Variants in GPM6B observed in about 807,000 individuals in gnomAD.
GPM6B encodes the protein neuronal membrane glycoprotein M6-b.
A neutral mutation model predicts 27.2 loss-of-function variants in GPM6B; 4 were observed. The ratio of observed to expected loss-of-function variants is 0.15; its 90% CI spans 0.07 to 0.34. The LOEUF is 0.34. GPM6B is among the 10% of genes least tolerant of loss of function. The probability of loss-of-function intolerance (pLI) is 1.00; values close to 1 mark genes in which losing one functional copy is unlikely to be tolerated. For missense variants in GPM6B, 183 were observed against 261.9 expected, an observed-to-expected ratio of 0.70 and a Z score of 2.08; for synonymous variants, 124 against 103.1, an observed-to-expected ratio of 1.20 and a Z score of -1.23.
chrX:13,782,377 A>G (rs544470929), intron 4 of GPM6B, among the ~76,000 whole-genome samples: 2 of 111,684 alleles, frequency 1.8e-5, no homozygotes, highest in South Asian at 7.5e-4. Flanking sequence ...GTCCTGACCA[A>G]TGCTCAAAGG....
intron 5 of GPM6B, among the ~76,000 whole-genome samples, chrX:13,778,277 C>T (rs1036060143): frequency 2.7e-5 from 3 of 110,866 alleles, no homozygotes; most frequent in South Asian, 3.8e-4. Flanking sequence ...TTTGAACTCC[C>T]GACCTCGTGA....
chrX:13,858,679 G>T (rs1167822455), intron 1 of GPM6B, among the ~76,000 whole-genome samples: 2 of 111,242 alleles, frequency 1.8e-5, no homozygotes, highest in Admixed American at 1.9e-4. Flanking sequence ...ATTATTTCCA[G>T]AAAACTTATC....
At position 13,779,996 on chromosome X, in the gene GPM6B, CA is replaced by C; in HGVS notation, c.526-8del. The C allele has an allele frequency of 8.5e-7, 1 of 1,169,684 alleles. No homozygotes were observed. On this transcript the variant is annotated splice_region_variant and splice_polypyrimidine_tract_variant and intron_variant, in intron 4 of 7. Transcript: ENST00000316715. ...CATAGGTGAGGAAAACGAACTAGGCCAAAACAAGAGGAAGGACAATCATCAC... is the reference window on the plus strand; with the variant it reads ...CATAGGTGAGGAAAACGAACTAGGCCAAACAAGAGGAAGGACAATCATCAC...
chrX:13,838,141 A>C (rs1377350905), intron 1 of GPM6B, among the ~76,000 whole-genome samples: 2 of 110,210 alleles, frequency 1.8e-5, no homozygotes, highest in African/African-American at 3.3e-5. Flanking sequence ...AAGAAAAAAA[A>C]AAAAAGGCAA....
At chrX:13,872,056 G>A in intron 1 of GPM6B, among the ~76,000 whole-genome samples, 1 of 111,118 alleles carries the variant, frequency 9.0e-6, no homozygotes, top group East Asian at 2.8e-4. Flanking sequence ...GCAGCCTTTA[G>A]GCAAGACCCT....
chrX:13,924,486 A>C (rs774749420), intron 1 of GPM6B, among the ~76,000 whole-genome samples: 2 of 110,335 alleles, frequency 1.8e-5, no homozygotes, highest in Non-Finnish European at 3.8e-5. Flanking sequence ...TTAGTTTAAT[A>C]GAAACAGGGC....
intron 1 of GPM6B, among the ~76,000 whole-genome samples, chrX:13,906,507 A>T (rs1304174201): frequency 8.9e-6 from 1 of 112,031 alleles, no homozygotes; most frequent in East Asian, 2.8e-4. Context: ...GGCTACCCAT[A>T]GAGCTAGGCT....
intron 1 of GPM6B, among the ~76,000 whole-genome samples, chrX:13,836,522 C>G (rs1474152478): frequency 8.9e-6 from 1 of 112,126 alleles, no homozygotes; most frequent in East Asian, 2.8e-4. Flanking sequence ...TTTAGCTGTT[C>G]AGAATTTAGA....
chrX:13,877,824 CA>C (rs761891419), intron 1 of GPM6B, among the ~76,000 whole-genome samples: 28 of 27,464 alleles, frequency 1.0e-3, no homozygotes, highest in African/African-American at 3.8e-3. Flanking sequence ...CAGACTCTGC[CA>C]AAAAAAAAAA....
chrX:13,835,504 T>G (rs1484682132), intron 1 of GPM6B, among the ~76,000 whole-genome samples: 2 of 111,804 alleles, frequency 1.8e-5, no homozygotes, highest in Non-Finnish European at 3.8e-5. Flanking sequence ...AGCTAGGAGT[T>G]TTTCTTCAAC....
At chrX:13,849,923 G>C (rs2049695130) in intron 1 of GPM6B, among the ~76,000 whole-genome samples, 1 of 110,804 alleles carries the variant, frequency 9.0e-6, no homozygotes, top group Non-Finnish European at 1.9e-5. Context: ...GCCAGGCATG[G>C]TGGCACGCAC....
intron 2 of GPM6B, among the ~76,000 whole-genome samples, chrX:13,793,412 CAT>C (rs1028911428): frequency 1.8e-5 from 2 of 111,271 alleles, no homozygotes; most frequent in African/African-American, 6.5e-5. Context: ...ACCTTAGGCA[CAT>C]GTTATTAGGA....
chrX:13,790,580 T>TTCATATTC (rs1376912510), intron 2 of GPM6B, among the ~76,000 whole-genome samples: 1 of 111,584 alleles, frequency 9.0e-6, no homozygotes, highest in Non-Finnish European at 1.9e-5. Context: ...AGTGCCTGCT[T>TTCATATTC]TCATATTCGA....
chrX:13,887,385 G>A (rs2050147730), intron 1 of GPM6B, among the ~76,000 whole-genome samples: 1 of 112,047 alleles, frequency 8.9e-6, no homozygotes, highest in Non-Finnish European at 1.9e-5. Context: ...CTGGTAACAA[G>A]AGGACACCAC....
intron 2 of GPM6B, among the ~76,000 whole-genome samples, chrX:13,794,736 A>T (rs973831734): frequency 1.8e-5 from 2 of 111,724 alleles, no homozygotes; most frequent in Non-Finnish European, 3.8e-5. Context: ...GCAATAAAAA[A>T]TTATTAATTT....
At chrX:13,851,040 G>C (rs1482349034) in intron 1 of GPM6B, among the ~76,000 whole-genome samples, 2 of 108,303 alleles carry the variant, frequency 1.8e-5, no homozygotes, top group East Asian at 5.7e-4. Flanking sequence ...GTGCATGCCT[G>C]TAGTCCCAGC....
intron 1 of GPM6B, among the ~76,000 whole-genome samples, chrX:13,908,297 T>C (rs1281049751): frequency 1.8e-5 from 2 of 112,072 alleles, no homozygotes; most frequent in African/African-American, 3.2e-5. Context: ...GTGAGATATA[T>C]TGGCATCATG....
chrX:13,773,160 C>T (rs898604204), intron 7 of GPM6B, 130 bp from the exon 8 acceptor site: 3 of 491,445 alleles, frequency 6.1e-6, no homozygotes, highest in Non-Finnish European at 9.7e-6. Context: ...ACTCGCTCTA[C>T]TAGCAGAGCT....
chrX:13,916,040 G>A (rs775425741), intron 1 of GPM6B, among the ~76,000 whole-genome samples: 123 of 112,043 alleles, frequency 1.1e-3, no homozygotes, highest in African/African-American at 3.9e-3. Context: ...GGCTCGGCCG[G>A]ATTTTCAGCT....
Sources: gnomAD v4.1 joint callset for allele counts (sites outside exome capture counted in the v4.1 genomes callset) on GRCh38, gnomAD v4.1.1 for gene constraint, MANE v1.5 for transcripts, NCBI Gene and HGNC (gene_info 2026-07-23, HGNC 2026-07-21) for gene names.